WFS1: variants seen among roughly 807,000 people sequenced by gnomAD.
The protein encoded by WFS1 is wolframin.
Under a neutral mutation model 68.5 loss-of-function variants are expected in WFS1, and 90 were observed. That is an observed-to-expected ratio of 1.31 (90% CI 1.11 to 1.56). WFS1 has a LOEUF of 1.56. Ranked by LOEUF, WFS1 falls within the 40% of genes most tolerant of loss-of-function variation. The probability of loss-of-function intolerance (pLI) is 0.00; values close to 1 mark genes in which losing one functional copy is unlikely to be tolerated. For synonymous variants in WFS1, 860 were observed against 540.7 expected, an observed-to-expected ratio of 1.59 and a Z score of -8.19; for missense variants, 1,767 against 1,232.6, an observed-to-expected ratio of 1.43 and a Z score of -6.49.
chr4:6,295,751 G>T (rs1053645035), intron 7 of WFS1, among the ~76,000 whole-genome samples: 2 of 152,228 alleles, frequency 1.3e-5, no homozygotes, highest in Admixed American at 1.3e-4. Context: ...AGCTTTGGCG[G>T]CAGGAGGAAA....
chr4:6,280,212 C>T (rs1325703917), intron 2 of WFS1, among the ~76,000 whole-genome samples: 5 of 152,210 alleles, frequency 3.3e-5, no homozygotes, highest in African/African-American at 4.8e-5. Context: ...TGGATGCCCA[C>T]GTGCTGAGAG....
chr4:6,269,903 C>T lies in WFS1; in HGVS notation c.-117C>T, dbSNP rs1379704742. On this transcript the variant is annotated 5_prime_UTR_variant, in exon 1 of 8. Coordinates refer to ENST00000226760, the MANE Select transcript of WFS1 (RefSeq NM_006005.3). ...CAGCAGCGAGTGCAGATTGCTCCCC[C>T]GCGGCCGCAGATCTCCCGTTTGCGC... The T allele has an allele frequency of 2.0e-5, 3 of 152,246 alleles. No individual in the cohort carries two copies. The highest frequency in any genetic ancestry group is 7.2e-5 in the African/African-American group (3 of 41,478). The allele number at this position is 152,246 out of a possible 1,614,324, so 9.4% of individuals were successfully genotyped here. A position where few individuals can be genotyped will look rare whatever the true frequency, so the allele number is the denominator to read the frequency against.
intron 6 of WFS1, among the ~76,000 whole-genome samples, chr4:6,293,254 G>C (rs1402701584): frequency 6.6e-6 from 1 of 152,172 alleles, no homozygotes; most frequent in East Asian, 1.9e-4. Context: ...CACACCTGCT[G>C]CTGGGCCCTG....
intron 2 of WFS1, among the ~76,000 whole-genome samples, chr4:6,278,515 C>T (rs1730061992): frequency 6.6e-6 from 1 of 152,234 alleles, no homozygotes; most frequent in South Asian, 2.1e-4. Flanking sequence ...TTTCCATGTG[C>T]CTGCAGGACT....
Position 6,300,668 on chromosome 4 carries a change from C to G in WFS1, c.873C>G (p.Tyr291Ter), listed in dbSNP as rs777580652. 6.2e-7 allele frequency: 1 copy of G among 1,613,976 alleles called. No homozygotes were observed. The highest frequency in any genetic ancestry group is 8.5e-7 in the Non-Finnish European group (1 of 1,179,934). ...DLPLRLKVVK[Y>*]PLHAIMEIKE... The stretch of plus-strand genomic sequence containing the variant: ...CATCTTTCCCCCAGGTGGTCAAGTA[C>G]CCCCTGCACGCCATCATGGAGATCA... The change falls in exon 8 of 8, where the codon TAC (tyrosine) becomes TAG (stop). Residue 291 changes from tyrosine to a stop codon, truncating the protein, a stop_gained. Transcript: ENST00000226760. LOFTEE classifies it high-confidence loss of function.
rs529599495 is a variant in WFS1 at position 6,286,276 on chromosome 4, C to T, written c.233-817C>T. ...GTCCCATGGTGTTAGGAGGTGGGGC[C>T]TTTGGAGGTGATGAATCATGAGCGA... On this transcript the variant is annotated intron_variant, in intron 2 of 7. Coordinates refer to ENST00000226760, the MANE Select transcript of WFS1 (RefSeq NM_006005.3). Among the ~76,000 whole-genome samples the T allele has an allele frequency of 2.6e-5, 4 of 152,244 alleles. No homozygotes were observed. The East Asian group carries it at 7.7e-4, about 29-fold the overall frequency.
At chr4:6,278,596 T>A (rs1730063508) in intron 2 of WFS1, among the ~76,000 whole-genome samples, 1 of 152,096 alleles carries the variant, frequency 6.6e-6, no homozygotes, top group Non-Finnish European at 1.5e-5. Context: ...ACCCAGCGGG[T>A]GAGAGACGAG....
chr4:6,280,132 G>A (rs1730116134), intron 2 of WFS1, among the ~76,000 whole-genome samples: 1 of 152,220 alleles, frequency 6.6e-6, no homozygotes, highest in Non-Finnish European at 1.5e-5. Context: ...GAGGCTCTTG[G>A]GCGTCCCTGT....
rs150146206 is a variant in WFS1, at chr4:6,292,499, GA to G, written c.712+503del. Among the ~76,000 whole-genome samples the G allele has an allele frequency of 8.2e-3, 1,248 of 152,240 alleles. 22 individuals are homozygous for G. The highest frequency in any genetic ancestry group is 0.027 in the African/African-American group (1,126 of 41,532). Reference sequence around the variant, plus strand: ...AGAGTGGGCAGAGCCTAGGTTGGGGGATAGAGTCTCTGGGGCACACTGAGCT... The same window carrying G: ...AGAGTGGGCAGAGCCTAGGTTGGGGGTAGAGTCTCTGGGGCACACTGAGCT... On this transcript the variant is annotated intron_variant, in intron 6 of 7. Transcript: ENST00000226760.
At chr4:6,291,805 G>A in intron 5 of WFS1, 112 bp from the exon 6 acceptor site, 1 of 1,161,732 alleles carries the variant, frequency 8.6e-7, no homozygotes, top group South Asian at 1.3e-5. Context: ...CAGAACGTAG[G>A]ATGCCCCTGG....
At chr4:6,292,836 G>A (rs747758148) in intron 6 of WFS1, among the ~76,000 whole-genome samples, 2 of 152,128 alleles carry the variant, frequency 1.3e-5, no homozygotes, top group African/African-American at 4.8e-5. Context: ...GAAGGACCTC[G>A]CCCATCCTAG....
In WFS1 at chr4:6,302,292, C is replaced by G. The variant is rs772496100; in HGVS notation, c.2497C>G (p.Leu833Val). 1 of 1,605,800 alleles carries G rather than the reference C, an allele frequency of 6.2e-7. No individual in the cohort carries two copies. The highest frequency in any genetic ancestry group is 8.5e-7 in the Non-Finnish European group (1 of 1,174,602). ...GTTCAGCACCATCCTGGAGGGCCGC[C>G]TGGGCAGCAAGTGGCCTGTCTTCGA... ...IEFSTILEGR[L>V]GSKWPVFELK... The change falls in exon 8 of 8, where the codon CTG becomes GTG. Residue 833 changes from leucine to valine, a missense_variant. Coordinates refer to ENST00000226760, the MANE Select transcript of WFS1 (RefSeq NM_006005.3).
At chr4:6,277,108 G>A (rs551303195) in intron 1 of WFS1, among the ~76,000 whole-genome samples, 5 of 152,380 alleles carry the variant, frequency 3.3e-5, no homozygotes, top group African/African-American at 1.2e-4. Flanking sequence ...ACATGGGTGG[G>A]CTCTGGGTGT....
Position 6,301,081 on chromosome 4 carries a change from G to C in WFS1, c.1286G>C (p.Cys429Ser). 1 of 1,614,014 alleles carries C rather than the reference G, an allele frequency of 6.2e-7. No individual in the cohort carries two copies. Among genetic ancestry groups the C allele is most frequent in the Non-Finnish European group, 8.5e-7 (1 of 1,180,028 alleles). Residue 429 changes from cysteine (C) to serine (S), a missense_variant, in exon 8 of 8, where the codon TGC becomes TCC. Transcript: ENST00000226760. ...FPIASKDCIP[C>S]SELAVITGFF... ...ATCGCCAGCAAGGACTGCATCCCCT[G>C]CTCGGAGCTGGCTGTCATCACCGGC...
In WFS1 at chr4:6,302,211, G is replaced by C. The variant is rs762075088; in HGVS notation, c.2416G>C (p.Ala806Pro). ...DDVTKDIVLR[A>P]SSEFKSVLLS... is the part of the protein sequence containing the mutation. Reference sequence around the variant, plus strand: ...CGTCACCAAGGACATCGTGCTGCGGGCCAGCAGCGAGTTCAAGAGCGTGCT... The same window carrying C: ...CGTCACCAAGGACATCGTGCTGCGGCCCAGCAGCGAGTTCAAGAGCGTGCT... The change falls in exon 8 of 8, where the codon GCC (alanine) becomes CCC (proline). Residue 806 changes from alanine to proline, a missense_variant. Coordinates refer to ENST00000226760, the MANE Select transcript of WFS1 (RefSeq NM_006005.3). The C allele has an allele frequency of 3.1e-6, 5 of 1,611,004 alleles. No homozygotes were observed. The highest frequency in any genetic ancestry group is 3.3e-5 in the Admixed American group (2 of 59,992).
rs1731013059 is a variant in WFS1, at chr4:6,302,869, T to G, written c.*401T>G. 6.8e-6 allele frequency: 2 copies of G among 292,752 alleles called. No homozygotes were observed. Among genetic ancestry groups the G allele is most frequent in the South Asian group, 4.1e-5 (1 of 24,282 alleles). 18.1% of individuals were successfully genotyped at this position (292,752 alleles called of 1,614,324 possible). A position where few individuals can be genotyped will look rare whatever the true frequency, so the allele number is the denominator to read the frequency against. On this transcript the variant is annotated 3_prime_UTR_variant, in exon 8 of 8. Transcript: ENST00000226760. ...GATTTGTTTAAAAACCAAATAAGCA[T>G]CTGTGTAACCTCCACAGTAGCATTT...
At chr4:6,277,800 T>C in intron 2 of WFS1, 113 bp downstream of exon 2, 13 of 1,219,918 alleles carry the variant, frequency 1.1e-5, no homozygotes, top group Non-Finnish European at 1.5e-5. Context: ...CAGTTCAGCA[T>C]TGTGCAGCTC....
intron 1 of WFS1, among the ~76,000 whole-genome samples, chr4:6,272,179 G>A (rs1729862283): frequency 6.6e-6 from 1 of 152,206 alleles, no homozygotes; most frequent in Non-Finnish European, 1.5e-5. Flanking sequence ...TTCCCATCTA[G>A]ATGAAGCTGC....
Position 6,300,904 on chromosome 4 carries a change from C to G in WFS1, c.1109C>G (p.Ala370Gly). The G allele has an allele frequency of 6.2e-7, 1 of 1,614,194 alleles. No individual in the cohort carries two copies. Among genetic ancestry groups the G allele is most frequent in the Non-Finnish European group, 8.5e-7 (1 of 1,180,032 alleles). ...CTCAAGGTGTTCCAGGACAGCAAGG[C>G]CTGGGAGAACTTCCGCACCCTCACC... is the stretch of plus-strand genomic sequence containing the variant. Reference protein sequence around the residue: ...CTLKVFQDSKAWENFRTLTDL... With the variant: ...CTLKVFQDSKGWENFRTLTDL... The change falls in exon 8 of 8, where the codon GCC becomes GGC. Residue 370 changes from alanine (A) to glycine (G), a missense_variant. Ala to Gly is a moderately conservative substitution (Grantham distance 60). Transcript: ENST00000226760.
Sources: gnomAD v4.1 joint callset for allele counts (sites outside exome capture counted in the v4.1 genomes callset) on GRCh38, gnomAD v4.1.1 for gene constraint, MANE v1.5 for transcripts, NCBI Gene and HGNC (gene_info 2026-07-23, HGNC 2026-07-21) for gene names.